MED1: variants seen among roughly 807,000 people sequenced by gnomAD.
MED1 encodes mediator of RNA polymerase II transcription subunit 1.
MED1 carries 17 observed loss-of-function variants against 121.3 expected under a neutral mutation model. The ratio of observed to expected loss-of-function variants is 0.14; its 90% CI spans 0.10 to 0.21. The LOEUF (loss-of-function observed/expected upper bound fraction) is 0.21, where lower values mean the gene tolerates loss of function less well. Ranked by LOEUF, MED1 falls within the 10% of genes least tolerant of loss-of-function variation. The probability of loss-of-function intolerance (pLI) is 1.00; values close to 1 mark genes in which losing one functional copy is unlikely to be tolerated. For synonymous variants in MED1, 661 were observed against 694.4 expected (o/e 0.95, Z 0.76); for missense variants, 1,558 against 1,919.4 (o/e 0.81, Z 3.52).
At chr17:39,426,635 A>T (rs1321992919) in intron 10 of MED1, among the ~76,000 whole-genome samples, 1 of 150,930 alleles carries the variant, frequency 6.6e-6, no homozygotes, top group Non-Finnish European at 1.5e-5. Flanking sequence ...CCCAGGTTCA[A>T]GCGATTCTCC....
rs962979602 is a variant in MED1 at position 39,410,700 on chromosome 17, C to T, written c.1521G>A (p.Thr507=). The T allele has an allele frequency of 6.2e-6, 10 of 1,611,086 alleles. No homozygotes were observed. The highest frequency in any genetic ancestry group is 5.5e-5 in the South Asian group (5 of 90,974). The change falls in exon 17 of 17, where the codon ACG becomes ACA. Residue 507 remains threonine (T), a synonymous_variant. Coordinates refer to ENST00000300651, the MANE Select transcript of MED1 (RefSeq NM_004774.4). ...VVQRCMSIPV[T]MRAIRRKAET... Reference sequence around the variant, plus strand: ...CAGCTTTCCTCCGAATAGCCCTCATCGTCACAGGGATGGACATACATCTGC... The same window carrying T: ...CAGCTTTCCTCCGAATAGCCCTCATTGTCACAGGGATGGACATACATCTGC...
chr17:39,422,469 GTTTTTTTTTTTTT>G (rs750032186), intron 13 of MED1, among the ~76,000 whole-genome samples: 1 of 74,340 alleles, frequency 1.3e-5, no homozygotes, highest in African/African-American at 6.3e-5. Context: ...GCCCAGCCTC[GTTTTTTTTTTTTT>G]TTTTTTTTTT....
intron 16 of MED1, among the ~76,000 whole-genome samples, chr17:39,413,493 C>G (rs774695925): frequency 8.5e-5 from 13 of 152,134 alleles, no homozygotes; most frequent in Non-Finnish European, 1.6e-4. Context: ...AACTCCTGAC[C>G]TCAAGTAATC....
intron 9 of MED1, 59 bp downstream of exon 9, chr17:39,431,056 G>GT: frequency 7.1e-7 from 1 of 1,411,598 alleles, no homozygotes; most frequent in Non-Finnish European, 1.0e-6. Context: ...GAAATGAAAA[G>GT]TAATGACCCT....
chr17:39,421,018 G>A (rs982883776), intron 13 of MED1, among the ~76,000 whole-genome samples: 2 of 151,010 alleles, frequency 1.3e-5, no homozygotes, highest in African/African-American at 4.9e-5. Flanking sequence ...GGATGGTCTC[G>A]ATCTCCTGAC....
rs2048286663 is a variant in MED1 at position 39,404,388 on chromosome 17, T to C, written c.*3087A>G. The stretch of plus-strand genomic sequence containing the variant: ...CAGATTTCATCTACTTTCAAAAAAA[T>C]GAAAAACCCCAAAGTATTTACAAAA... On this transcript the variant is annotated 3_prime_UTR_variant, in exon 17 of 17. Coordinates refer to ENST00000300651, the MANE Select transcript of MED1 (RefSeq NM_004774.4). 6.6e-6 allele frequency: 1 copy of C among 152,146 alleles called. No homozygotes were observed. The highest frequency in any genetic ancestry group is 1.5e-5 in the Non-Finnish European group (1 of 67,992). The allele number at this position is 152,146 out of a possible 1,614,324, so 9.4% of individuals were successfully genotyped here.
chr17:39,405,068 T>C lies in MED1; in HGVS notation c.*2407A>G. On this transcript the variant is annotated 3_prime_UTR_variant, in exon 17 of 17. Transcript: ENST00000300651. ...AAGTTGACTTCATGTCCTTGCCTTCTTTTGAAACAGAAGAATGAGTACACC... is the reference window on the plus strand; with the variant it reads ...AAGTTGACTTCATGTCCTTGCCTTCCTTTGAAACAGAAGAATGAGTACACC... The C allele has an allele frequency of 1.2e-6, 1 of 849,330 alleles. No homozygotes were observed. The highest frequency in any genetic ancestry group is 1.7e-6 in the Non-Finnish European group (1 of 588,802). The allele number at this position is 849,330 out of a possible 1,614,324, so 52.6% of individuals were successfully genotyped here.
At chr17:39,432,165 A>T in intron 7 of MED1, 149 bp from the exon 8 acceptor site, 1 of 523,710 alleles carries the variant, frequency 1.9e-6, no homozygotes, top group South Asian at 2.0e-5. Flanking sequence ...CAACATGGCA[A>T]AACCCCATCT....
In MED1 at chr17:39,440,063, AAAG is replaced by A. The variant is rs1597872242; in HGVS notation, c.399+320_399+322del. ...GAAAGAGAAAGAAAGAAAAGAAAGA[AAAG>A]AAAAAGAAAGCAAGCAAGCAAGCAA... On this transcript the variant is annotated intron_variant, in intron 5 of 16. Transcript: ENST00000300651. The surrounding 1 kb of genome is among the most constrained non-coding windows in gnomAD (Gnocchi z 4.1). Among the ~76,000 whole-genome samples, 2 of 151,690 alleles carry A rather than the reference AAAG, an allele frequency of 1.3e-5. No individual in the cohort carries two copies. The highest frequency in any genetic ancestry group is 4.2e-4 in the South Asian group (2 of 4,818).
chr17:39,419,637 T>C, intron 14 of MED1, 80 bp downstream of exon 14: 2 of 1,425,114 alleles, frequency 1.4e-6, no homozygotes, highest in Non-Finnish European at 2.0e-6. Flanking sequence ...TACAGGTGAT[T>C]CTGATGGGCC....
chr17:39,423,654 T>C (rs1372152769), intron 12 of MED1, 43 bp downstream of exon 12: 3 of 1,612,670 alleles, frequency 1.9e-6, no homozygotes, highest in Middle Eastern at 1.7e-4. Context: ...AGTTTCTTTT[T>C]CACATTTATA....
In MED1 at chr17:39,409,898, T is replaced by C. The variant is rs370829372; in HGVS notation, c.2323A>G (p.Ile775Val). The change falls in exon 17 of 17, where the codon ATT (isoleucine) becomes GTT (valine). Residue 775 changes from isoleucine to valine, a missense_variant. Physicochemically the swap from Ile to Val is conservative, Grantham distance 29. This residue lies in a region of MED1 where 793 missense variants were observed against 898.2 expected (regional missense o/e 0.88). Transcript: ENST00000300651. ...RMVRLSSSDS[I>V]GPDVTDILSD... ...AGGATGTCAGTTACATCTGGGCCAA[T>C]GCTGTCTGAACTGGATAGTCGGACC... The C allele has an allele frequency of 6.8e-6, 11 of 1,614,022 alleles. No homozygotes were observed. Among genetic ancestry groups the C allele is most frequent in the African/African-American group, 1.3e-5 (1 of 74,904 alleles).
At chr17:39,431,213 G>A (rs1396838753) in intron 8 of MED1, 25 bp from the exon 9 acceptor site, 1 of 1,567,512 alleles carries the variant, frequency 6.4e-7, no homozygotes, top group African/African-American at 1.4e-5. Flanking sequence ...ATCTATGTTT[G>A]CTTATATTTA....
Position 39,406,110 on chromosome 17 carries a change from G to A in MED1, c.*1365C>T, listed in dbSNP as rs371527791. 1.6e-4 allele frequency: 155 copies of A among 985,518 alleles called. 1 individual carries two copies. In the African/African-American group the frequency reaches 2.6e-3, roughly 16 times the overall value. The allele number at this position is 985,518 out of a possible 1,614,324, so 61.0% of individuals were successfully genotyped here. ...GTCTCCTGGATTTCTATATTTTTAT[G>A]TGAAGGGCTCTTATTGATGTCCCCC... On this transcript the variant is annotated 3_prime_UTR_variant, in exon 17 of 17. Transcript: ENST00000300651.
At chr17:39,419,614 T>G (rs2048442501) in intron 14 of MED1, 103 bp downstream of exon 14, 3 of 1,219,754 alleles carry the variant, frequency 2.5e-6, no homozygotes, top group Non-Finnish European at 3.5e-6. Context: ...AAAAAAAAAC[T>G]TTTTTTAAGT....
At position 39,405,242 on chromosome 17, in the gene MED1, G is replaced by A. The variant is rs746075632; in HGVS notation, c.*2233C>T. ...GCAAGTTCAGATGCTGGGTCAGTGT[G>A]GGGGTGAGCCCATCGACAATTCAGG... On this transcript the variant is annotated 3_prime_UTR_variant, in exon 17 of 17. Transcript: ENST00000300651. 1.3e-6 allele frequency: 2 copies of A among 1,596,046 alleles called. No individual in the cohort carries two copies. The highest frequency in any genetic ancestry group is 3.5e-5 in the Admixed American group (2 of 57,542).
chr17:39,426,470 C>A (rs2048516213), intron 10 of MED1, among the ~76,000 whole-genome samples: 2 of 152,014 alleles, frequency 1.3e-5, no homozygotes, highest in Admixed American at 1.3e-4. Flanking sequence ...AACAAACAAA[C>A]AAACAAACAA....
chr17:39,409,395 A>C lies in MED1; in HGVS notation c.2826T>G (p.Ala942=), dbSNP rs764076873. 4 of 1,614,142 alleles carry C rather than the reference A, an allele frequency of 2.5e-6. No individual in the cohort carries two copies. In the East Asian group the frequency reaches 8.9e-5, roughly 36 times the overall value. Residue 942 remains alanine, a synonymous_variant, in exon 17 of 17, where the codon GCT becomes GCG. Coordinates refer to ENST00000300651, the MANE Select transcript of MED1 (RefSeq NM_004774.4). The stretch of plus-strand genomic sequence containing the variant: ...TGTGATGCTCCATAAGATCTGCAGG[A>C]GCTAAAGCTTTGCCGGCTACTGAAA... ...SIISVAGKAL[A]PADLMEHHSG...
rs879728736 is a variant in MED1 at position 39,405,911 on chromosome 17, CT to C, written c.*1563del. On this transcript the variant is annotated 3_prime_UTR_variant, in exon 17 of 17. Coordinates refer to ENST00000300651, the MANE Select transcript of MED1 (RefSeq NM_004774.4). ...CATAACACACAAAGGAATCACCTGG[CT>C]TTTTTTTTTTAACCCAGAAGAGTTG... 16,331 of 575,782 alleles carry C rather than the reference CT, an allele frequency of 0.028. No homozygotes were observed. Among genetic ancestry groups the C allele is most frequent in the Non-Finnish European group, 0.032 (14,831 of 457,978 alleles). 35.7% of individuals were successfully genotyped at this position (575,782 alleles called of 1,614,324 possible). A position where few individuals can be genotyped will look rare whatever the true frequency, so the allele number is the denominator to read the frequency against.
Sources: allele counts gnomAD v4.1 joint callset (sites outside exome capture counted in the v4.1 genomes callset), GRCh38; gene constraint gnomAD v4.1.1; regional missense constraint gnomAD v4.1.1; non-coding constraint Gnocchi (gnomAD v3.1); transcripts MANE v1.5; gene names NCBI Gene and HGNC (gene_info 2026-07-23, HGNC 2026-07-21).